PRUNE2: variants seen among roughly 807,000 people sequenced by gnomAD.
The protein encoded by PRUNE2 is protein prune homolog 2.
A neutral mutation model predicts 252.0 loss-of-function variants in PRUNE2; 164 were observed. The ratio of observed to expected loss-of-function variants is 0.65; its 90% CI spans 0.57 to 0.74. The LOEUF is 0.74. PRUNE2 is among the 30% of genes least tolerant of loss of function. The pLI, the probability that PRUNE2 is intolerant of heterozygous loss-of-function variation, is 0.00. For missense variants in PRUNE2, 3,495 were observed against 3,711.0 expected (o/e 0.94, Z 1.51); for synonymous variants, 1,292 against 1,350.2 (o/e 0.96, Z 0.94).
rs754343229 is a variant in PRUNE2, at chr9:76,711,285, A to C, written c.989T>G (p.Ile330Ser). The part of the protein sequence containing the change: ...LEPFDCGCDE[I>S]LVYQQEDPSV... ...AGGGTCCTCTTGTTGGTACACCAGG[A>C]TCTCATCACAGCCACAGTCAAAGGG... The change falls in exon 8 of 19, where the codon ATC becomes AGC. Residue 330 changes from isoleucine to serine, a missense_variant. Coordinates refer to ENST00000376718, the MANE Select transcript of PRUNE2 (RefSeq NM_015225.3). The C allele has an allele frequency of 1.2e-6, 2 of 1,613,886 alleles. No homozygotes were observed. The highest frequency in any genetic ancestry group is 1.7e-6 in the Non-Finnish European group (2 of 1,179,870).
At chr9:76,814,146 T>C (rs2057535404) in intron 6 of PRUNE2, among the ~76,000 whole-genome samples, 1 of 152,172 alleles carries the variant, frequency 6.6e-6, no homozygotes, top group Non-Finnish European at 1.5e-5. Context: ...ATCAGTAATA[T>C]GTAAGAGTGG....
chr9:76,705,076 A>G lies in PRUNE2; in HGVS notation c.7198T>C (p.Tyr2400His). 1.2e-6 allele frequency: 2 copies of G among 1,614,000 alleles called. No individual in the cohort carries two copies. The highest frequency in any genetic ancestry group is 1.7e-6 in the Non-Finnish European group (2 of 1,179,892). The change falls in exon 8 of 19, where the codon TAT becomes CAT. Residue 2400 changes from tyrosine to histidine, a missense_variant. Tyr to His is a moderately conservative substitution (Grantham distance 83). Transcript: ENST00000376718. ...APYTPPFDLS[Y>H]LTEPAQSAET... ...GCACTCTGGGCAGGTTCTGTGAGAT[A>G]AGACAAATCAAAGGGAGGTGTGTAC...
intron 3 of PRUNE2, among the ~76,000 whole-genome samples, chr9:76,849,794 C>T (rs1016235286): frequency 6.6e-6 from 1 of 151,952 alleles, no homozygotes; most frequent in Non-Finnish European, 1.5e-5. Context: ...CCAATGCACG[C>T]CAGCCTGGGC....
intron 6 of PRUNE2, among the ~76,000 whole-genome samples, chr9:76,728,959 A>G (rs183435204): frequency 6.6e-6 from 1 of 152,362 alleles, no homozygotes; most frequent in East Asian, 1.9e-4. Flanking sequence ...CTCCATTAAC[A>G]GTAAGTTTAT....
In PRUNE2 at chr9:76,711,372, C is replaced by T. The variant is rs1276240582; in HGVS notation, c.916-14G>A. 1.3e-6 allele frequency: 2 copies of T among 1,587,492 alleles called. No homozygotes were observed. Among genetic ancestry groups the T allele is most frequent in the African/African-American group, 2.7e-5 (2 of 74,452 alleles). On this transcript the variant is annotated splice_polypyrimidine_tract_variant and intron_variant, in intron 7 of 18. Transcript: ENST00000376718. ...CTCACAGCAAATCTGTCGGAAGGCACAGGAATTTGTGTCAGCACTCAAGCA... is the reference window on the plus strand; with the variant it reads ...CTCACAGCAAATCTGTCGGAAGGCATAGGAATTTGTGTCAGCACTCAAGCA...
intron 9 of PRUNE2, among the ~76,000 whole-genome samples, chr9:76,663,662 A>G (rs2039577435): frequency 6.6e-6 from 1 of 152,174 alleles, no homozygotes; most frequent in Non-Finnish European, 1.5e-5. Context: ...AATTTGAGGA[A>G]CGCTGAGCAG....
intron 18 of PRUNE2, among the ~76,000 whole-genome samples, chr9:76,615,934 T>G (rs776568943): frequency 1.4e-4 from 22 of 151,968 alleles, no homozygotes; most frequent in Non-Finnish European, 2.2e-4. Context: ...CATGCCCAGA[T>G]AATTTTTTGT....
intron 4 of PRUNE2, among the ~76,000 whole-genome samples, chr9:76,828,337 G>A (rs933792140): frequency 6.6e-6 from 1 of 152,184 alleles, no homozygotes; most frequent in Non-Finnish European, 1.5e-5. Flanking sequence ...TATGATTTTA[G>A]CAAGGGAAAT....
At chr9:76,848,152 T>C (rs1188489917) in intron 3 of PRUNE2, among the ~76,000 whole-genome samples, 1 of 152,114 alleles carries the variant, frequency 6.6e-6, no homozygotes, top group Non-Finnish European at 1.5e-5. Context: ...TAATCCTAGC[T>C]ACTCAGGAGG....
rs772330215 is a variant in PRUNE2, at chr9:76,710,094, C to T, written c.2180G>A (p.Ser727Asn). The T allele has an allele frequency of 7.4e-6, 12 of 1,613,826 alleles. No homozygotes were observed. The highest frequency in any genetic ancestry group is 1.7e-5 in the Admixed American group (1 of 60,006). ...ESEFGQPELG[S>N]NDIQDKNEES... ...CTCATTTTTGTCTTGAATATCATTG[C>T]TACCCAGTTCAGGCTGACCAAATTC... Residue 727 changes from serine (S) to asparagine (N), a missense_variant, in exon 8 of 19, where the codon AGC (serine) becomes AAC (asparagine). Ser to Asn is a conservative substitution (Grantham distance 46). Transcript: ENST00000376718.
chr9:76,774,453 T>TC (rs370472844), intron 6 of PRUNE2, among the ~76,000 whole-genome samples: 2 of 122,224 alleles, frequency 1.6e-5, no homozygotes, highest in African/African-American at 5.8e-5. Flanking sequence ...TTCAACCCTT[T>TC]TTTTTTTTTT....
chr9:76,899,461 G>A (rs1455129102), intron 1 of PRUNE2, among the ~76,000 whole-genome samples: 2 of 152,080 alleles, frequency 1.3e-5, no homozygotes, highest in Non-Finnish European at 2.9e-5. Context: ...ATGGCTTCCT[G>A]CCTCCTGACA....
At chr9:76,682,550 A>T (rs2043586828) in intron 9 of PRUNE2, among the ~76,000 whole-genome samples, 1 of 151,996 alleles carries the variant, frequency 6.6e-6, no homozygotes, top group Non-Finnish European at 1.5e-5. Context: ...TTTAGTAAAG[A>T]TGGAGTTTCT....
At chr9:76,882,630 G>C (rs1381006165) in intron 1 of PRUNE2, among the ~76,000 whole-genome samples, 1 of 152,106 alleles carries the variant, frequency 6.6e-6, no homozygotes, top group Non-Finnish European at 1.5e-5. Flanking sequence ...GAGAGAGAGA[G>C]GGGAGGTGCT....
chr9:76,850,744 T>G, intron 2 of PRUNE2, 79 bp from the exon 3 acceptor site: 1 of 1,106,692 alleles, frequency 9.0e-7, no homozygotes, highest in Non-Finnish European at 1.4e-6. Flanking sequence ...AGCCTGGGGG[T>G]AACTGGTAAA....
In PRUNE2 at chr9:76,697,560, G is replaced by A. The variant is rs112283524; in HGVS notation, c.8276+5777C>T. On this transcript the variant is annotated intron_variant, in intron 9 of 18. Coordinates refer to ENST00000376718, the MANE Select transcript of PRUNE2 (RefSeq NM_015225.3). ...GTCACAAGACAGTCTGAGGAGTCAG[G>A]CATGGGTTCTGGCTCAGTCTGTCTC... Among the ~76,000 whole-genome samples the A allele has an allele frequency of 4.9e-3, 753 of 152,274 alleles. 4 individuals carry two copies. Among genetic ancestry groups the A allele is most frequent in the African/African-American group, 0.017 (719 of 41,540 alleles).
At chr9:76,627,742 A>G in intron 16 of PRUNE2, 1 of 211,408 alleles carries the variant, frequency 4.7e-6, no homozygotes, top group South Asian at 5.4e-5. Context: ...TTTTAGTGCC[A>G]GGCTGACCTG....
intron 4 of PRUNE2, among the ~76,000 whole-genome samples, chr9:76,846,304 C>A (rs931359427): frequency 6.6e-6 from 1 of 152,160 alleles, no homozygotes; most frequent in Non-Finnish European, 1.5e-5. Flanking sequence ...ACAGCAAAGG[C>A]CCCTCATGCC....
At chr9:76,867,859 C>T (rs1377218312) in intron 1 of PRUNE2, among the ~76,000 whole-genome samples, 1 of 152,224 alleles carries the variant, frequency 6.6e-6, no homozygotes, top group Non-Finnish European at 1.5e-5. Flanking sequence ...GTGTGAGCCA[C>T]TGCGCCCGGC....
Sources: allele counts gnomAD v4.1 joint callset (sites outside exome capture counted in the v4.1 genomes callset), GRCh38; gene constraint gnomAD v4.1.1; transcripts MANE v1.5; gene names NCBI Gene and HGNC (gene_info 2026-07-23, HGNC 2026-07-21).